The following CLEC16A variants were observed in gnomAD, a reference collection of about 807,000 sequenced individuals.
CLEC16A encodes the protein protein CLEC16A.
Under a neutral mutation model 109.5 loss-of-function variants are expected in CLEC16A, and 51 were observed. The observed-to-expected ratio is 0.47, with a 90% CI of 0.37 to 0.59. The LOEUF (loss-of-function observed/expected upper bound fraction) is 0.59, where lower values mean the gene tolerates loss of function less well. Among genes scored for constraint, CLEC16A ranks in the 20% least tolerant of loss-of-function variants. The pLI, the probability that CLEC16A is intolerant of heterozygous loss-of-function variation, is 0.00. For missense variants in CLEC16A, 1,339 were observed against 1,394.0 expected (o/e 0.96, Z 0.63); for synonymous variants, 673 against 564.2 (o/e 1.19, Z -2.73).
At chr16:10,957,645 A>C in intron 1 of CLEC16A, 137 bp from the exon 2 acceptor site, 1 of 838,820 alleles carries the variant, frequency 1.2e-6, no homozygotes, top group South Asian at 1.6e-5. Flanking sequence ...AGTTACATCT[A>C]ATCTGAATGG....
At chr16:11,168,957 G>A (rs1282697326) in intron 23 of CLEC16A, among the ~76,000 whole-genome samples, 1 of 152,228 alleles carries the variant, frequency 6.6e-6, no homozygotes, top group East Asian at 1.9e-4. Context: ...CCACCCACCA[G>A]GGACCTGGCC....
rs576434973 is a variant in CLEC16A, at chr16:10,996,357, G to A, written c.1072-6717G>A. 2.0e-5 allele frequency among the ~76,000 whole-genome samples: 3 copies of A among 152,272 alleles called. No individual in the cohort carries two copies. In the South Asian group the frequency reaches 6.2e-4, roughly 32 times the overall value. ...GCATCTGCCCCTACCTGGGGAGCTG[G>A]CCGAGCACCTTGGGTCCAAGGGTAC... is the stretch of plus-strand genomic sequence containing the variant. On this transcript the variant is annotated intron_variant, in intron 10 of 23. Transcript: ENST00000409790.
At chr16:11,094,565 C>A (rs551652001) in intron 19 of CLEC16A, among the ~76,000 whole-genome samples, 2 of 152,358 alleles carry the variant, frequency 1.3e-5, no homozygotes, top group East Asian at 3.9e-4. Flanking sequence ...CAACTTTTTC[C>A]AGGCCACATC....
chr16:11,063,395 A>G (rs2048595865), intron 19 of CLEC16A, among the ~76,000 whole-genome samples: 1 of 151,404 alleles, frequency 6.6e-6, no homozygotes. Context: ...TTCTGTATAC[A>G]AAATACAGGT....
intron 23 of CLEC16A, among the ~76,000 whole-genome samples, chr16:11,173,015 G>C (rs1444160605): frequency 2.0e-5 from 3 of 152,048 alleles, no homozygotes; most frequent in Admixed American, 2.0e-4. Flanking sequence ...GAGCTTCCCC[G>C]GCTTCCCTCC....
intron 11 of CLEC16A, among the ~76,000 whole-genome samples, chr16:11,016,951 T>A (rs1014854489): frequency 1.4e-4 from 16 of 117,348 alleles, no homozygotes; most frequent in African/African-American, 5.0e-4. Context: ...GGAAGGGGGA[T>A]GGTGAGAGTG....
intron 22 of CLEC16A, among the ~76,000 whole-genome samples, chr16:11,126,986 A>G (rs1325743513): frequency 6.6e-6 from 1 of 152,212 alleles, no homozygotes; most frequent in African/African-American, 2.4e-5. Flanking sequence ...TGGTTCCCCC[A>G]TGTGATTTAT....
At chr16:10,967,316 C>G (rs1240270680) in intron 3 of CLEC16A, among the ~76,000 whole-genome samples, 1 of 152,132 alleles carries the variant, frequency 6.6e-6, no homozygotes, top group African/African-American at 2.4e-5. Context: ...TTAGGTACCT[C>G]GACGGCTCCA....
At chr16:10,985,620 C>T (rs2043598403) in intron 10 of CLEC16A, among the ~76,000 whole-genome samples, 1 of 151,798 alleles carries the variant, frequency 6.6e-6, no homozygotes, top group African/African-American at 2.4e-5. Flanking sequence ...GATTGTCTTA[C>T]TGTAAGATAC....
intron 14 of CLEC16A, 121 bp downstream of exon 14, chr16:11,039,997 C>G (rs568399438): frequency 8.0e-7 from 1 of 1,244,052 alleles, no homozygotes; most frequent in Non-Finnish European, 1.1e-6. Context: ...CCATCCCAAC[C>G]TCTCCCTCTG....
At chr16:11,161,978 G>A (rs1327950660) in intron 22 of CLEC16A, among the ~76,000 whole-genome samples, 2 of 152,208 alleles carry the variant, frequency 1.3e-5, no homozygotes, top group Non-Finnish European at 2.9e-5. Flanking sequence ...AGAAGAGGAG[G>A]AGGGGGGCAT....
At chr16:11,169,163 C>T (rs889702822) in intron 23 of CLEC16A, among the ~76,000 whole-genome samples, 7 of 152,222 alleles carry the variant, frequency 4.6e-5, no homozygotes, top group African/African-American at 1.4e-4. Flanking sequence ...GAGGCGATCC[C>T]GTCTCTGTGA....
chr16:11,009,738 G>A (rs2045284536), intron 11 of CLEC16A, among the ~76,000 whole-genome samples: 1 of 152,166 alleles, frequency 6.6e-6, no homozygotes, highest in Non-Finnish European at 1.5e-5. Flanking sequence ...AGTAGCCTGG[G>A]GCAGAGACTA....
At chr16:11,032,961 G>A (rs2046828637) in intron 13 of CLEC16A, among the ~76,000 whole-genome samples, 1 of 152,152 alleles carries the variant, frequency 6.6e-6, no homozygotes, top group Non-Finnish European at 1.5e-5. Context: ...AGAAACGTTG[G>A]CTACCAGACA....
At chr16:11,143,390 TGAGACATAGG>T (rs966158776) in intron 22 of CLEC16A, among the ~76,000 whole-genome samples, 2 of 152,058 alleles carry the variant, frequency 1.3e-5, no homozygotes, top group African/African-American at 2.4e-5. Context: ...TGCCAGCAAA[TGAGACATAGG>T]GTTCATCAAG....
intron 21 of CLEC16A, 58 bp downstream of exon 21, chr16:11,124,004 T>G: frequency 1.3e-6 from 2 of 1,495,094 alleles, no homozygotes; most frequent in South Asian, 2.4e-5. Flanking sequence ...CAGGGCTGTT[T>G]GTAGTTCTCA....
At chr16:11,137,587 TAAAAAAAA>T (rs5815617) in intron 22 of CLEC16A, among the ~76,000 whole-genome samples, 1 of 59,312 alleles carries the variant, frequency 1.7e-5, no homozygotes, top group Non-Finnish European at 3.1e-5. Context: ...AGACTCCATC[TAAAAAAAA>T]AAAAAAAAAA....
chr16:11,030,275 T>C (rs1353077190), intron 13 of CLEC16A, among the ~76,000 whole-genome samples: 2 of 152,222 alleles, frequency 1.3e-5, no homozygotes, highest in East Asian at 1.9e-4. Flanking sequence ...AGGAATGGAA[T>C]GGCTGAATCA....
At chr16:11,127,003 T>C (rs894938422) in intron 22 of CLEC16A, among the ~76,000 whole-genome samples, 3 of 152,208 alleles carry the variant, frequency 2.0e-5, no homozygotes, top group Non-Finnish European at 4.4e-5. Flanking sequence ...TTATTTTAGT[T>C]TCATTGTTTG....
Sources: allele counts gnomAD v4.1 joint callset (sites outside exome capture counted in the v4.1 genomes callset), GRCh38; gene constraint gnomAD v4.1.1; transcripts MANE v1.5; gene names NCBI Gene and HGNC (gene_info 2026-07-23, HGNC 2026-07-21).